MACROD2: variants seen among roughly 807,000 people sequenced by gnomAD.
MACROD2 encodes mono-ADP ribosylhydrolase 2, also known as ADP-ribose glycohydrolase MACROD2.
In MACROD2, 36 loss-of-function variants were observed where a neutral mutation model predicts 70.4. The ratio of observed to expected loss-of-function variants is 0.51; its 90% CI spans 0.39 to 0.68. MACROD2 has a LOEUF of 0.68. Among genes scored for constraint, MACROD2 ranks in the 30% least tolerant of loss-of-function variants. The pLI, the probability that MACROD2 is intolerant of heterozygous loss-of-function variation, is 0.00. For synonymous variants in MACROD2, 172 were observed against 178.8 expected (o/e 0.96, Z 0.30); for missense variants, 496 against 538.4 (o/e 0.92, Z 0.78).
chr20:15,332,400 A>G (rs1370063145), intron 6 of MACROD2, among the ~76,000 whole-genome samples: 1 of 151,674 alleles, frequency 6.6e-6, no homozygotes, highest in Non-Finnish European at 1.5e-5. Context: ...GGCGCAAGTA[A>G]AATTTTTCCT....
rs13041618 is a variant in MACROD2, at chr20:15,731,880, T to C, written c.646-130865T>C. 3.5e-5 allele frequency among the ~76,000 whole-genome samples: 2 copies of C among 56,708 alleles called. 1 individual carries two copies. The highest frequency in any genetic ancestry group is 9.9e-5 in the African/African-American group (2 of 20,192). 37.2% of individuals were successfully genotyped at this position (56,708 alleles called of 152,430 possible). On this transcript the variant is annotated intron_variant, in intron 8 of 17. Transcript: ENST00000684519. ...AAGACATTCTCCTGCCTCAGCTTCC[T>C]GAGTAGCTGGAATTACAGGCATCCA... is the stretch of plus-strand genomic sequence containing the variant.
chr20:15,276,572 T>C (rs2077395093), intron 6 of MACROD2, among the ~76,000 whole-genome samples: 2 of 152,052 alleles, frequency 1.3e-5, no homozygotes, highest in South Asian at 4.2e-4. Context: ...ACACAAAAAC[T>C]AACAAGTAAT....
chr20:15,846,329 C>T (rs897352607), intron 8 of MACROD2, among the ~76,000 whole-genome samples: 1 of 152,098 alleles, frequency 6.6e-6, no homozygotes, highest in Non-Finnish European at 1.5e-5. Flanking sequence ...TGGTTTTGTC[C>T]CACACTAGAC....
chr20:14,487,331 C>G (rs888765476), intron 3 of MACROD2, among the ~76,000 whole-genome samples: 5 of 152,128 alleles, frequency 3.3e-5, no homozygotes, highest in African/African-American at 1.2e-4. Flanking sequence ...GAATGTATGC[C>G]ATGGAGCCTG....
intron 3 of MACROD2, among the ~76,000 whole-genome samples, chr20:14,173,814 C>T (rs557576985): frequency 6.6e-6 from 1 of 152,268 alleles, no homozygotes; most frequent in South Asian, 2.1e-4. Context: ...AGGGTGCTCC[C>T]TTGATGTGGT....
chr20:15,209,351 A>G (rs1186779496), intron 5 of MACROD2, among the ~76,000 whole-genome samples: 2 of 152,088 alleles, frequency 1.3e-5, no homozygotes, highest in East Asian at 3.9e-4. Flanking sequence ...CAGGAGGAAT[A>G]GGGAGAAGTC....
At position 16,052,137 on chromosome 20, in the gene MACROD2, C is replaced by G. The variant is rs984709555; in HGVS notation, c.*2261C>G. Reference sequence around the variant, plus strand: ...CCGACTCCTGAATTTGTTTATTCTTCCATCTATAATTAGATTGTGTTTTCA... The same window carrying G: ...CCGACTCCTGAATTTGTTTATTCTTGCATCTATAATTAGATTGTGTTTTCA... On this transcript the variant is annotated 3_prime_UTR_variant, in exon 18 of 18. Coordinates refer to ENST00000684519, the MANE Select transcript of MACROD2 (RefSeq NM_001351661.2). The G allele has an allele frequency of 2.6e-5, 4 of 152,168 alleles. No individual in the cohort carries two copies. The highest frequency in any genetic ancestry group is 9.7e-5 in the African/African-American group (4 of 41,444). 9.4% of individuals were successfully genotyped at this position (152,168 alleles called of 1,614,324 possible).
intron 4 of MACROD2, among the ~76,000 whole-genome samples, chr20:14,682,283 C>T (rs1048095802): frequency 3.3e-5 from 5 of 151,908 alleles, no homozygotes; most frequent in African/African-American, 7.3e-5. Context: ...TCTTAAAGCT[C>T]TTGTAAAAAA....
At chr20:15,854,197 G>A (rs2327969) in intron 8 of MACROD2, among the ~76,000 whole-genome samples, 80,007 of 151,946 alleles carry the variant, frequency 0.53, 22,311 homozygotes, top group Middle Eastern at 0.64. Context: ...TTACAAACAG[G>A]TGGACTTGAC....
chr20:15,850,998 C>G (rs979536757), intron 8 of MACROD2, among the ~76,000 whole-genome samples: 4 of 151,874 alleles, frequency 2.6e-5, no homozygotes, highest in African/African-American at 7.3e-5. Flanking sequence ...CTCAGGTGGC[C>G]GGCTTCATGT....
At chr20:15,876,461 G>T (rs141412011) in intron 9 of MACROD2, among the ~76,000 whole-genome samples, 2,843 of 152,098 alleles carry the variant, frequency 0.019, 103 homozygotes, top group African/African-American at 0.065. Flanking sequence ...TTTTATGGCT[G>T]CATAGTATTC....
chr20:15,121,330 G>A (rs559921417), intron 5 of MACROD2, among the ~76,000 whole-genome samples: 1 of 151,908 alleles, frequency 6.6e-6, no homozygotes, highest in Non-Finnish European at 1.5e-5. Flanking sequence ...TGGCCAACAC[G>A]GTGAAACCCT....
chr20:14,669,722 A>C (rs1375683415), intron 4 of MACROD2, among the ~76,000 whole-genome samples: 1 of 152,036 alleles, frequency 6.6e-6, no homozygotes, highest in Non-Finnish European at 1.5e-5. Flanking sequence ...TAGAAAAGGA[A>C]CTATTAAGTT....
chr20:15,012,019 A>G (rs1332795427), intron 5 of MACROD2, among the ~76,000 whole-genome samples: 1 of 152,196 alleles, frequency 6.6e-6, no homozygotes, highest in Admixed American at 6.5e-5. Context: ...AGCCCATGCT[A>G]CTGCTGGATG....
intron 6 of MACROD2, among the ~76,000 whole-genome samples, chr20:15,430,955 C>T (rs991772712): frequency 1.3e-5 from 2 of 151,934 alleles, no homozygotes; most frequent in African/African-American, 4.8e-5. Flanking sequence ...GATGTGACAT[C>T]AGGTACCATG....
At chr20:15,967,661 T>G in intron 13 of MACROD2, 31 bp downstream of exon 13, 1 of 1,489,604 alleles carries the variant, frequency 6.7e-7, no homozygotes, top group Non-Finnish European at 9.1e-7. Context: ...TTAGATTTTC[T>G]TTTCTTCTGC....
intron 5 of MACROD2, among the ~76,000 whole-genome samples, chr20:14,716,839 C>A (rs531912053): frequency 6.6e-6 from 1 of 152,080 alleles, no homozygotes; most frequent in Admixed American, 6.6e-5. Context: ...CTGCTGTATG[C>A]AAATGTTCCA....
At chr20:15,083,260 G>C (rs1032730948) in intron 5 of MACROD2, among the ~76,000 whole-genome samples, 2 of 152,094 alleles carry the variant, frequency 1.3e-5, no homozygotes, top group African/African-American at 4.8e-5. Context: ...GGGTTGGCCA[G>C]CTGTCACTTA....
At chr20:14,613,425 A>G (rs1754150075) in intron 4 of MACROD2, among the ~76,000 whole-genome samples, 1 of 152,100 alleles carries the variant, frequency 6.6e-6, no homozygotes, top group African/African-American at 2.4e-5. Context: ...GGGGAGCAAC[A>G]GAAGGTAACA....
Sources: gnomAD v4.1 joint callset for allele counts (sites outside exome capture counted in the v4.1 genomes callset) on GRCh38, gnomAD v4.1.1 for gene constraint, MANE v1.5 for transcripts, NCBI Gene and HGNC (gene_info 2026-07-23, HGNC 2026-07-21) for gene names.